The following GDA variants were observed in gnomAD, a reference collection of about 807,000 sequenced individuals.
GDA encodes guanine deaminase.
Under a neutral mutation model 59.6 loss-of-function variants are expected in GDA, and 18 were observed. That is an observed-to-expected ratio of 0.30 (90% CI 0.21 to 0.45). The LOEUF (loss-of-function observed/expected upper bound fraction) is 0.45, where lower values mean the gene tolerates loss of function less well. Ranked by LOEUF, GDA falls within the 20% of genes least tolerant of loss-of-function variation. The pLI, the probability that GDA is intolerant of heterozygous loss-of-function variation, is 1.00. For missense variants in GDA, 427 were observed against 552.3 expected, an observed-to-expected ratio of 0.77 and a Z score of 2.27; for synonymous variants, 201 against 201.1, an observed-to-expected ratio of 1.00 and a Z score of 0.00.
intron 1 of GDA, among the ~76,000 whole-genome samples, chr9:72,120,077 T>A (rs937898765): frequency 2.6e-5 from 4 of 152,156 alleles, no homozygotes; most frequent in African/African-American, 9.7e-5. Context: ...CCTGCTTCTC[T>A]CTCCTTGCCA....
rs1406293114 is a variant in GDA, at chr9:72,225,804, A to G, written c.822+20A>G. 2 of 939,090 alleles carry G rather than the reference A, an allele frequency of 2.1e-6. No individual in the cohort carries two copies. The highest frequency in any genetic ancestry group is 1.6e-5 in the African/African-American group (1 of 60,762). The allele number at this position is 939,090 out of a possible 1,614,324, so 58.2% of individuals were successfully genotyped here. ...AATAAGGTAAGTTTTATATCATGACATAATCTGTTTAAAGGAGGGCATATT... is the reference window on the plus strand; with the variant it reads ...AATAAGGTAAGTTTTATATCATGACGTAATCTGTTTAAAGGAGGGCATATT... On this transcript the variant is annotated intron_variant, in intron 8 of 13. Transcript: ENST00000358399.
chr9:72,235,216 A>G (rs1838835300), intron 10 of GDA, among the ~76,000 whole-genome samples: 3 of 152,222 alleles, frequency 2.0e-5, no homozygotes, highest in African/African-American at 2.4e-5. Context: ...CAGAATGGTA[A>G]CATAAATCAG....
intron 13 of GDA, among the ~76,000 whole-genome samples, chr9:72,247,682 G>A (rs1023144705): frequency 5.9e-5 from 9 of 152,112 alleles, no homozygotes; most frequent in African/African-American, 1.9e-4. Flanking sequence ...AAGGCCAAAG[G>A]TGAAGAGATC....
At chr9:72,204,128 C>A (rs1834369475) in intron 3 of GDA, among the ~76,000 whole-genome samples, 1 of 152,120 alleles carries the variant, frequency 6.6e-6, no homozygotes, top group Admixed American at 6.6e-5. Context: ...CAAGTGCTAA[C>A]ATTTATACAC....
At chr9:72,229,537 C>G (rs888911036) in intron 9 of GDA, among the ~76,000 whole-genome samples, 3 of 152,086 alleles carry the variant, frequency 2.0e-5, no homozygotes, top group Admixed American at 2.0e-4. Context: ...AGTTATCCTG[C>G]CCAAGAAGTG....
At chr9:72,200,908 G>C (rs987616853) in intron 2 of GDA, among the ~76,000 whole-genome samples, 5 of 151,374 alleles carry the variant, frequency 3.3e-5, no homozygotes, top group African/African-American at 1.2e-4. Context: ...AAACTGCCTG[G>C]GTTTGAATCT....
downstream of GDA, among the ~76,000 whole-genome samples, chr9:72,252,396 A>G (rs565303097): frequency 2.0e-5 from 3 of 152,304 alleles, no homozygotes; most frequent in Non-Finnish European, 4.4e-5. Flanking sequence ...GTCACTATAC[A>G]TAGCTTTTAA....
At chr9:72,140,420 G>A (rs1483059894) in intron 1 of GDA, among the ~76,000 whole-genome samples, 4 of 152,074 alleles carry the variant, frequency 2.6e-5, no homozygotes, top group Non-Finnish European at 5.9e-5. Flanking sequence ...GAGAAGTTGG[G>A]TGCTGTAGAC....
chr9:72,182,927 G>C (rs10746905), intron 1 of GDA, among the ~76,000 whole-genome samples: 91,714 of 151,968 alleles, frequency 0.6, 28,068 homozygotes, highest in South Asian at 0.69. Context: ...GCTCAAATTG[G>C]CCCAGATTTA....
intron 1 of GDA, among the ~76,000 whole-genome samples, chr9:72,189,756 A>T (rs1169694743): frequency 6.6e-6 from 1 of 152,120 alleles, no homozygotes; most frequent in African/African-American, 2.4e-5. Context: ...TGGGAGGATC[A>T]TTTGAGCCTG....
intron 3 of GDA, among the ~76,000 whole-genome samples, 190 bp from the exon 4 acceptor site, chr9:72,210,497 G>A (rs1226182431): frequency 1.3e-5 from 2 of 152,130 alleles, no homozygotes; most frequent in Non-Finnish European, 2.9e-5. Flanking sequence ...AGAAGTATCA[G>A]CTTCTCCTCC....
chr9:72,122,791 T>C (rs1470269146), intron 1 of GDA, among the ~76,000 whole-genome samples: 5 of 152,168 alleles, frequency 3.3e-5, no homozygotes, highest in Admixed American at 6.5e-5. Flanking sequence ...TTCAAGATTA[T>C]CCAGCCTTTC....
At position 72,249,149 on chromosome 9, in the gene GDA, G is replaced by T; in HGVS notation, c.*807G>T. ...TAAAATCAACTTATAACTGTGAGAT[G>T]TTATTGCTTCCATTTTATTAGAAGA... On this transcript the variant is annotated 3_prime_UTR_variant, in exon 14 of 14. Transcript: ENST00000358399. The T allele has an allele frequency of 4.1e-6, 4 of 981,494 alleles. No homozygotes were observed. The highest frequency in any genetic ancestry group is 4.8e-6 in the Non-Finnish European group (4 of 826,168). The allele number at this position is 981,494 out of a possible 1,614,324, so 60.8% of individuals were successfully genotyped here. A position where few individuals can be genotyped will look rare whatever the true frequency, so the allele number is the denominator to read the frequency against.
chr9:72,214,284 A>ATTTATTTTTAT (rs1835802040), intron 5 of GDA, among the ~76,000 whole-genome samples: 1 of 145,710 alleles, frequency 6.9e-6, no homozygotes, highest in Non-Finnish European at 1.5e-5. Flanking sequence ...ATTTATTTTT[A>ATTTATTTTTAT]TTTTTTTTTT....
At position 72,247,399 on chromosome 9, in the gene GDA, AT is replaced by A; in HGVS notation, c.1267-3del. On this transcript the variant is annotated splice_region_variant and splice_polypyrimidine_tract_variant and intron_variant, in intron 12 of 13. Coordinates refer to ENST00000358399, the MANE Select transcript of GDA (RefSeq NM_004293.5). ...GTCTTTCTTATTACTTTTATTTTCC[AT>A]TTTAGGCTGTTATCCAGAAGTTCCT... is the stretch of plus-strand genomic sequence containing the variant. 2.0e-6 allele frequency: 3 copies of A among 1,471,408 alleles called. No homozygotes were observed. Among genetic ancestry groups the A allele is most frequent in the Non-Finnish European group, 2.9e-6 (3 of 1,050,256 alleles). The allele number at this position is 1,471,408 out of a possible 1,614,324, so 91.1% of individuals were successfully genotyped here. A position where few individuals can be genotyped will look rare whatever the true frequency, so the allele number is the denominator to read the frequency against.
intron 1 of GDA, among the ~76,000 whole-genome samples, chr9:72,180,705 A>G (rs900657223): frequency 6.6e-6 from 1 of 152,222 alleles, no homozygotes; most frequent in Non-Finnish European, 1.5e-5. Context: ...TGTTAATTTT[A>G]CACACATCTA....
intron 3 of GDA, among the ~76,000 whole-genome samples, chr9:72,207,869 G>A (rs758154709): frequency 7.2e-5 from 11 of 152,078 alleles, no homozygotes; most frequent in Admixed American, 1.3e-4. Context: ...ACAACTTTGG[G>A]AGTCTGAGGG....
intron 8 of GDA, among the ~76,000 whole-genome samples, chr9:72,227,611 A>G (rs969748075): frequency 1.3e-5 from 2 of 152,202 alleles, no homozygotes; most frequent in Non-Finnish European, 2.9e-5. Context: ...TCTAAAGTAG[A>G]GATGAGAAAA....
intron 1 of GDA, among the ~76,000 whole-genome samples, chr9:72,168,543 C>G (rs1386038026): frequency 6.6e-6 from 1 of 151,906 alleles, no homozygotes; most frequent in Non-Finnish European, 1.5e-5. Flanking sequence ...TACAGGCATG[C>G]ACCACCATGC....
Sources: allele counts gnomAD v4.1 joint callset (sites outside exome capture counted in the v4.1 genomes callset), GRCh38; gene constraint gnomAD v4.1.1; transcripts MANE v1.5; gene names NCBI Gene and HGNC (gene_info 2026-07-23, HGNC 2026-07-21).